Variants in SGCE observed in about 807,000 individuals in gnomAD.
SGCE encodes the protein sarcoglycan epsilon.
A neutral mutation model predicts 57.8 loss-of-function variants in SGCE; 26 were observed. The observed-to-expected ratio is 0.45, with a 90% CI of 0.33 to 0.62. The LOEUF is 0.62. SGCE is among the 20% of genes least tolerant of loss of function. SGCE has a pLI of 0.02. For missense variants in SGCE, 468 were observed against 548.6 expected, an observed-to-expected ratio of 0.85 and a Z score of 1.47; for synonymous variants, 183 against 189.5, an observed-to-expected ratio of 0.97 and a Z score of 0.28.
chr7:94,611,327 C>T (rs1800990174), intron 5 of SGCE, among the ~76,000 whole-genome samples: 1 of 152,014 alleles, frequency 6.6e-6, no homozygotes, highest in Non-Finnish European at 1.5e-5. Flanking sequence ...AAATGAAATA[C>T]TGATTTATTC....
chr7:94,637,886 C>G (rs761764997), intron 1 of SGCE, among the ~76,000 whole-genome samples: 12 of 152,104 alleles, frequency 7.9e-5, no homozygotes, highest in Non-Finnish European at 1.6e-4. Context: ...TGTCCCAAGT[C>G]CTTTGGAGAT....
At chr7:94,602,216 CCAT>C (rs1263211136) in intron 6 of SGCE, among the ~76,000 whole-genome samples, 2 of 152,166 alleles carry the variant, frequency 1.3e-5, no homozygotes, top group South Asian at 4.1e-4. Flanking sequence ...ATCGTTAGCA[CCAT>C]GATTGAACAA....
At chr7:94,603,249 T>A (rs1159596730) in intron 6 of SGCE, 41 bp downstream of exon 6, 4 of 1,539,430 alleles carry the variant, frequency 2.6e-6, no homozygotes, top group East Asian at 4.5e-5. Context: ...TCCAGCCACA[T>A]TATTTTTAAC....
intron 5 of SGCE, chr7:94,618,256 C>T (rs1171904993): frequency 6.4e-6 from 1 of 156,816 alleles, no homozygotes; most frequent in Non-Finnish European, 1.4e-5. Flanking sequence ...CAGGGTTTGC[C>T]CAGTGTCACC....
intron 1 of SGCE, among the ~76,000 whole-genome samples, chr7:94,648,996 C>T (rs1171078442): frequency 6.6e-6 from 1 of 152,172 alleles, no homozygotes; most frequent in Non-Finnish European, 1.5e-5. Context: ...AGAATTCATA[C>T]CAGAGCTGCC....
intron 9 of SGCE, among the ~76,000 whole-genome samples, chr7:94,591,663 G>A (rs1029593026): frequency 5.3e-5 from 8 of 152,080 alleles, no homozygotes; most frequent in African/African-American, 1.9e-4. Context: ...TGACCTTTCT[G>A]TGGAATTTAG....
chr7:94,596,469 T>G (rs1050788512), intron 9 of SGCE, among the ~76,000 whole-genome samples: 3 of 152,120 alleles, frequency 2.0e-5, no homozygotes, highest in African/African-American at 7.2e-5. Flanking sequence ...CAGCACTGTT[T>G]GTTACATTAT....
At chr7:94,630,206 C>T (rs1234216847) in intron 1 of SGCE, among the ~76,000 whole-genome samples, 2 of 151,792 alleles carry the variant, frequency 1.3e-5, no homozygotes, top group East Asian at 3.9e-4. Context: ...TGACCAGCTA[C>T]ATAATTGCTA....
At chr7:94,597,016 GAA>G (rs1798497953) in intron 9 of SGCE, among the ~76,000 whole-genome samples, 2 of 152,018 alleles carry the variant, frequency 1.3e-5, no homozygotes, top group Non-Finnish European at 2.9e-5. Flanking sequence ...CAATATTCTT[GAA>G]ATTTTACCAA....
intron 10 of SGCE, among the ~76,000 whole-genome samples, chr7:94,586,235 A>C (rs191381456): frequency 5.3e-5 from 8 of 152,258 alleles, no homozygotes; most frequent in Admixed American, 5.2e-4. Context: ...GGTACTTGGA[A>C]AACTCCAGTT....
chr7:94,598,657 G>T, intron 9 of SGCE, 118 bp downstream of exon 9: 2 of 804,662 alleles, frequency 2.5e-6, no homozygotes, highest in Non-Finnish European at 4.4e-6. Context: ...ATGTCCTTTT[G>T]TTATTTTCTC....
intron 10 of SGCE, chr7:94,588,460 C>G: frequency 2.2e-6 from 3 of 1,349,278 alleles, no homozygotes; most frequent in South Asian, 1.7e-5. Flanking sequence ...GACAGGACCT[C>G]CATGGATGCT....
intron 1 of SGCE, chr7:94,644,640 C>T: frequency 7.8e-7 from 1 of 1,287,022 alleles, no homozygotes. Context: ...TCTCTGTCCA[C>T]TACTTCATTT....
At chr7:94,622,717 T>C (rs922095209) in intron 4 of SGCE, 3 of 152,148 alleles carry the variant, frequency 2.0e-5, no homozygotes, top group Admixed American at 6.5e-5. Context: ...ATTCTGAGAA[T>C]ACTTCCTTAT....
intron 8 of SGCE, 84 bp downstream of exon 8, chr7:94,599,613 C>A: frequency 9.7e-7 from 1 of 1,033,722 alleles, no homozygotes; most frequent in South Asian, 1.3e-5. Flanking sequence ...TGAAAAAAAG[C>A]TTGACACACA....
intron 1 of SGCE, among the ~76,000 whole-genome samples, chr7:94,650,810 A>G (rs1022578189): frequency 6.6e-6 from 1 of 152,206 alleles, no homozygotes; most frequent in Non-Finnish European, 1.5e-5. Flanking sequence ...TGCTAGTTCT[A>G]CTTTCCGAAG....
At chr7:94,612,739 C>A (rs1227735635) in intron 5 of SGCE, among the ~76,000 whole-genome samples, 1 of 152,124 alleles carries the variant, frequency 6.6e-6, no homozygotes, top group Non-Finnish European at 1.5e-5. Context: ...AGCTTTTCAA[C>A]TTAATATGTT....
chr7:94,641,843 T>C (rs35723940), intron 1 of SGCE, among the ~76,000 whole-genome samples: 19,435 of 152,044 alleles, frequency 0.13, 1,501 homozygotes, highest in South Asian at 0.25. Flanking sequence ...GTCCACTATG[T>C]TGCCCAGGCT....
At chr7:94,655,216 C>T (rs553788281) in intron 1 of SGCE, among the ~76,000 whole-genome samples, 2 of 152,290 alleles carry the variant, frequency 1.3e-5, no homozygotes, top group East Asian at 3.9e-4. Context: ...CTCGTAATCG[C>T]CACCAAAAGT....
Sources: allele counts gnomAD v4.1 joint callset (sites outside exome capture counted in the v4.1 genomes callset), GRCh38; gene constraint gnomAD v4.1.1; transcripts MANE v1.5; gene names NCBI Gene and HGNC (gene_info 2026-07-23, HGNC 2026-07-21).